The following ADGRG4 variants were observed in gnomAD, a reference collection of about 807,000 sequenced individuals.
The protein encoded by ADGRG4 is G protein-coupled receptor 112.
ADGRG4 carries 122 observed loss-of-function variants against 126.2 expected under a neutral mutation model. The ratio of observed to expected loss-of-function variants is 0.97; its 90% CI spans 0.83 to 1.12. ADGRG4 has a LOEUF of 1.12. ADGRG4 is among the 50% of genes most tolerant of loss of function. The pLI is 0.00. For missense variants in ADGRG4, 2,481 were observed against 2,251.8 expected, an observed-to-expected ratio of 1.10 and a Z score of -2.06; for synonymous variants, 943 against 838.7, an observed-to-expected ratio of 1.12 and a Z score of -2.15.
At chrX:136,302,318 C>T (rs2074706242) in intron 1 of ADGRG4, among the ~76,000 whole-genome samples, 1 of 111,671 alleles carries the variant, frequency 9.0e-6, no homozygotes, top group Admixed American at 9.6e-5. Context: ...AAGTTGTATT[C>T]CTAGGTATTT....
At position 136,405,832 on chromosome X, in the gene ADGRG4, G is replaced by A. The variant is rs980343377; in HGVS notation, c.8795G>A (p.Arg2932Gln). The A allele has an allele frequency of 1.2e-5, 15 of 1,208,349 alleles. No individual in the cohort carries two copies. Among genetic ancestry groups the A allele is most frequent in the Non-Finnish European group, 1.6e-5 (14 of 894,432 alleles). The change falls in exon 23 of 26, where the codon CGG becomes CAG. Residue 2932 changes from arginine (R) to glutamine (Q), a missense_variant. Transcript: ENST00000394143. The part of the protein sequence containing the change: ...SVKSQIQKTR[R>Q]KMILHDLKGT... ...AAATCCCAAATCCAGAAGACTCGGC[G>A]GAAGATGATCCTGCATGACCTCAAA...
At chrX:136,381,856 A>G (rs1161512644) in intron 15 of ADGRG4, among the ~76,000 whole-genome samples, 4 of 111,533 alleles carry the variant, frequency 3.6e-5, no homozygotes, top group East Asian at 5.6e-4. Flanking sequence ...GGCAGGAAGC[A>G]TCTAGCACAG....
Position 136,392,279 on chromosome X carries a change from C to A in ADGRG4, c.7959C>A (p.Ser2653Arg). The A allele has an allele frequency of 8.9e-7, 1 of 1,128,794 alleles. No individual in the cohort carries two copies. The highest frequency in any genetic ancestry group is 2.0e-5 in the South Asian group (1 of 50,785). The allele number at this position is 1,128,794 out of a possible 1,213,427, so 93.0% of individuals were successfully genotyped here. A position where few individuals can be genotyped will look rare whatever the true frequency, so the allele number is the denominator to read the frequency against. Residue 2653 changes from serine (S) to arginine (R), a missense_variant, in exon 17 of 26, where the codon AGC becomes AGA. Transcript: ENST00000394143. ...KALTTYVVSA[S>R]ISDDMFIQNL... Reference sequence around the variant, plus strand: ...TAACCACCTATGTTGTGAGTGCCAGCATTTCAGATGATATGTTCATTCAAA... The same window carrying A: ...TAACCACCTATGTTGTGAGTGCCAGAATTTCAGATGATATGTTCATTCAAA...
intron 15 of ADGRG4, among the ~76,000 whole-genome samples, chrX:136,377,510 G>T (rs1292402748): frequency 1.5e-4 from 17 of 111,524 alleles, no homozygotes; most frequent in African/African-American, 4.6e-4. Flanking sequence ...TTAAATTTTC[G>T]TGAAGTCTAA....
intron 5 of ADGRG4, among the ~76,000 whole-genome samples, chrX:136,335,218 T>A (rs185055488): frequency 1.8e-5 from 2 of 111,743 alleles, no homozygotes; most frequent in Non-Finnish European, 3.8e-5. Context: ...TTTGCATATT[T>A]GGAATAGATC....
intron 4 of ADGRG4, among the ~76,000 whole-genome samples, chrX:136,317,795 A>G (rs999494443): frequency 1.1e-4 from 12 of 111,960 alleles, no homozygotes; most frequent in Non-Finnish European, 2.3e-4. Context: ...AAAAATGCTC[A>G]ATGTCATCAG....
intron 1 of ADGRG4, 129 bp downstream of exon 1, chrX:136,301,129 A>G (rs1041496600): frequency 1.8e-5 from 2 of 112,125 alleles, no homozygotes; most frequent in African/African-American, 6.5e-5. Context: ...GTCAAATGGT[A>G]TTTCTAGTTC....
At chrX:136,372,876 T>C in intron 14 of ADGRG4, 26 bp from the exon 15 acceptor site, 1 of 1,204,788 alleles carries the variant, frequency 8.3e-7, no homozygotes, top group Non-Finnish European at 1.1e-6. Context: ...GGTAGGATGC[T>C]CTTCTCCATC....
At chrX:136,302,542 G>A (rs2074707972) in intron 1 of ADGRG4, among the ~76,000 whole-genome samples, 1 of 111,939 alleles carries the variant, frequency 8.9e-6, no homozygotes, top group Non-Finnish European at 1.9e-5. Flanking sequence ...AACATTAAAT[G>A]CAGAATCTTT....
intron 21 of ADGRG4, 68 bp from the exon 22 acceptor site, chrX:136,403,176 C>A: frequency 1.3e-6 from 1 of 788,034 alleles, no homozygotes; most frequent in Non-Finnish European, 2.0e-6. Context: ...TATCATCACC[C>A]ACAGTCATTG....
At chrX:136,407,400 TA>T (rs2075420145) in intron 23 of ADGRG4, among the ~76,000 whole-genome samples, 3 of 111,614 alleles carry the variant, frequency 2.7e-5, no homozygotes, top group Admixed American at 9.5e-5. Flanking sequence ...CTGAACCTTT[TA>T]TTGTGGTCAT....
At chrX:136,350,565 C>T (rs2075055937) in intron 6 of ADGRG4, 132 bp downstream of exon 6, 1 of 577,453 alleles carries the variant, frequency 1.7e-6, no homozygotes, top group Admixed American at 3.7e-5. Flanking sequence ...TTGTCTCCTT[C>T]AGACAGTGGG....
intron 15 of ADGRG4, among the ~76,000 whole-genome samples, chrX:136,381,699 TACAC>T (rs779999953): frequency 1.8e-5 from 2 of 110,182 alleles, no homozygotes; most frequent in African/African-American, 3.3e-5. Flanking sequence ...TGTATATAAA[TACAC>T]ACACACACAC....
intron 22 of ADGRG4, among the ~76,000 whole-genome samples, chrX:136,405,321 C>T (rs2075399305): frequency 1.2e-5 from 1 of 85,366 alleles, no homozygotes; most frequent in Non-Finnish European, 2.3e-5. Context: ...GGGGGCAGGG[C>T]GTGCGGGGGC....
chrX:136,373,327 A>G (rs2075206063), intron 15 of ADGRG4, among the ~76,000 whole-genome samples: 1 of 111,931 alleles, frequency 8.9e-6, no homozygotes, highest in African/African-American at 3.2e-5. Context: ...ATTGGCCACC[A>G]TTTAAGGAAC....
intron 18 of ADGRG4, among the ~76,000 whole-genome samples, chrX:136,394,732 G>T (rs1316570400): frequency 8.9e-6 from 1 of 112,335 alleles, no homozygotes; most frequent in South Asian, 3.7e-4. Flanking sequence ...ATGGACAAAT[G>T]TTGACCAAAC....
intron 5 of ADGRG4, among the ~76,000 whole-genome samples, chrX:136,325,584 G>A (rs762780131): frequency 9.0e-6 from 1 of 111,613 alleles, no homozygotes; most frequent in South Asian, 3.8e-4. Context: ...CTCAGCAGTG[G>A]TGTTTTAAAA....
intron 5 of ADGRG4, among the ~76,000 whole-genome samples, chrX:136,336,279 A>G (rs1263120748): frequency 9.0e-6 from 1 of 110,968 alleles, no homozygotes; most frequent in Non-Finnish European, 1.9e-5. Flanking sequence ...TGTATGGTCT[A>G]TGTTGGTGAA....
At chrX:136,405,570 A>T (rs2075401262) in intron 22 of ADGRG4, 122 bp from the exon 23 acceptor site, 3 of 489,628 alleles carry the variant, frequency 6.1e-6, no homozygotes, top group Non-Finnish European at 9.3e-6. Flanking sequence ...AACTCTGTCC[A>T]GTTCATTTCT....
Sources: allele counts gnomAD v4.1 joint callset (sites outside exome capture counted in the v4.1 genomes callset), GRCh38; gene constraint gnomAD v4.1.1; transcripts MANE v1.5; gene names NCBI Gene and HGNC (gene_info 2026-07-23, HGNC 2026-07-21).